Variants in NXNL2 observed in about 807,000 individuals in gnomAD.
NXNL2 encodes the protein nucleoredoxin-like protein 2.
Under a neutral mutation model 11.1 loss-of-function variants are expected in NXNL2, and 7 were observed. The observed-to-expected ratio is 0.63, with a 90% CI of 0.36 to 1.18. NXNL2 has a LOEUF of 1.18. NXNL2 is among the 50% of genes most tolerant of loss of function. The pLI is 0.02. For missense variants in NXNL2, 233 were observed against 217.7 expected (o/e 1.07, Z -0.44); for synonymous variants, 109 against 101.8 (o/e 1.07, Z -0.42).
intron 1 of NXNL2, among the ~76,000 whole-genome samples, chr9:88,580,983 C>T (rs143401872): frequency 2.6e-5 from 4 of 152,292 alleles, no homozygotes; most frequent in Admixed American, 1.3e-4. Context: ...ATAAGAGTGA[C>T]GTGGTATCCT....
chr9:88,542,261 C>CAAAA (rs1829777432), intron 1 of NXNL2, among the ~76,000 whole-genome samples: 3 of 151,288 alleles, frequency 2.0e-5, no homozygotes, highest in Admixed American at 2.0e-4. Flanking sequence ...AAACAAAAAA[C>CAAAA]AAACGAACGA....
chr9:88,545,518 G>A (rs1829834278), downstream of NXNL2, among the ~76,000 whole-genome samples: 1 of 152,096 alleles, frequency 6.6e-6, no homozygotes, highest in Non-Finnish European at 1.5e-5. Flanking sequence ...AAGCCCAGTG[G>A]GTGATACTCA....
At chr9:88,572,704 G>A (rs867310099) in intron 2 of NXNL2, among the ~76,000 whole-genome samples, 89 of 152,244 alleles carry the variant, frequency 5.8e-4, no homozygotes, top group African/African-American at 2.1e-3. Context: ...CTTTAATGAC[G>A]GACACCTTAG....
At chr9:88,574,137 G>C (rs887111329) in intron 2 of NXNL2, among the ~76,000 whole-genome samples, 1 of 152,132 alleles carries the variant, frequency 6.6e-6, no homozygotes, top group Non-Finnish European at 1.5e-5. Flanking sequence ...CAAGAGAACT[G>C]AAAACATATG....
chr9:88,544,631 T>A lies in NXNL2; in HGVS notation c.*84T>A. The A allele has an allele frequency of 2.8e-6, 4 of 1,445,602 alleles. No homozygotes were observed. Among genetic ancestry groups the A allele is most frequent in the Non-Finnish European group, 3.6e-6 (4 of 1,096,816 alleles). 89.5% of individuals were successfully genotyped at this position (1,445,602 alleles called of 1,614,324 possible). ...GCAAAGAGGAGCATGTTGGGTTCCT[T>A]CCTCTGTTGGTGTGATTTCATTGTA... On this transcript the variant is annotated 3_prime_UTR_variant, in exon 2 of 2. Transcript: ENST00000375854.
At chr9:88,558,909 C>T (rs536188273) in intron 1 of NXNL2, among the ~76,000 whole-genome samples, 1 of 152,124 alleles carries the variant, frequency 6.6e-6, no homozygotes, top group South Asian at 2.1e-4. Context: ...GGAGATAGTC[C>T]CCTCTGATCC....
Position 88,535,618 on chromosome 9 carries a change from C to G in NXNL2, c.184C>G (p.Pro62Ala), listed in dbSNP as rs1460765830. 3.1e-6 allele frequency: 5 copies of G among 1,608,630 alleles called. No individual in the cohort carries two copies. Among genetic ancestry groups the G allele is most frequent in the Middle Eastern group, 3.3e-4 (2 of 5,976 alleles). The change falls in exon 1 of 2, where the codon CCC becomes GCC. Residue 62 changes from proline to alanine, a missense_variant. Coordinates refer to ENST00000375854, the MANE Select transcript of NXNL2 (RefSeq NM_001161625.2). ...YTALVAEARR[P>A]APFEVVFVSA... is the part of the protein sequence containing the mutation. The stretch of plus-strand genomic sequence containing the variant: ...GGCGCTGGTGGCCGAGGCGCGGCGG[C>G]CCGCGCCCTTCGAAGTGGTCTTCGT...
intron 1 of NXNL2, among the ~76,000 whole-genome samples, chr9:88,565,469 AT>A (rs1386654396): frequency 6.6e-6 from 1 of 152,180 alleles, no homozygotes; most frequent in Non-Finnish European, 1.5e-5. Context: ...ATCATTTTGC[AT>A]TGCCACCAAC....
intron 1 of NXNL2, among the ~76,000 whole-genome samples, chr9:88,567,018 A>G (rs1460664732): frequency 6.6e-6 from 1 of 150,700 alleles, no homozygotes; most frequent in Non-Finnish European, 1.5e-5. Context: ...CTATCTATCT[A>G]TCATCTAATA....
intron 1 of NXNL2, among the ~76,000 whole-genome samples, chr9:88,552,250 T>C (rs1829941127): frequency 6.6e-6 from 1 of 152,110 alleles, no homozygotes; most frequent in Non-Finnish European, 1.5e-5. Flanking sequence ...TACTCTTTTG[T>C]TTTCCCCATC....
intron 1 of NXNL2, among the ~76,000 whole-genome samples, chr9:88,581,137 T>C (rs1830404516): frequency 6.6e-6 from 1 of 152,176 alleles, no homozygotes; most frequent in African/African-American, 2.4e-5. Flanking sequence ...AATCTGTATC[T>C]CCATACCGGC....
chr9:88,537,528 T>C (rs1178047257), intron 1 of NXNL2, among the ~76,000 whole-genome samples: 1 of 152,232 alleles, frequency 6.6e-6, no homozygotes, highest in African/African-American at 2.4e-5. Context: ...TCCCTACCCC[T>C]TTCCACACTG....
At chr9:88,549,323 G>A (rs1370850464), downstream of NXNL2, among the ~76,000 whole-genome samples, 3 of 152,064 alleles carry the variant, frequency 2.0e-5, no homozygotes, top group East Asian at 1.9e-4. Context: ...GCTGCTCCAC[G>A]GCTCTCTCCT....
intron 1 of NXNL2, among the ~76,000 whole-genome samples, chr9:88,540,879 G>A (rs1003185322): frequency 9.3e-5 from 14 of 150,356 alleles, no homozygotes; most frequent in Non-Finnish European, 1.6e-4. Flanking sequence ...GACCAGGTTG[G>A]CCTCATTTTT....
At chr9:88,578,415 A>G (rs937100685), downstream of NXNL2, among the ~76,000 whole-genome samples, 2 of 152,262 alleles carry the variant, frequency 1.3e-5, no homozygotes, top group African/African-American at 4.8e-5. Context: ...GCAATGCAGA[A>G]AAACAGGTAT....
In NXNL2 at chr9:88,558,279, G is replaced by C. The variant is rs539631243; in HGVS notation, c.303-12808G>C. On this transcript the variant is annotated intron_variant, in intron 1 of 2. Transcript: ENST00000375855. The stretch of plus-strand genomic sequence containing the variant: ...ATAAAGCTTCCATGAAACCCCAAAA[G>C]AGCAGAGTTTGGGGAGTTTCTGGCT... Among the ~76,000 whole-genome samples, 3 of 152,148 alleles carry C rather than the reference G, an allele frequency of 2.0e-5. No individual in the cohort carries two copies. The South Asian group carries it at 6.2e-4, about 32-fold the overall frequency.
intron 1 of NXNL2, among the ~76,000 whole-genome samples, chr9:88,567,030 G>A (rs1830185510): frequency 8.7e-6 from 1 of 114,490 alleles, no homozygotes; most frequent in Non-Finnish European, 1.7e-5. Context: ...CATCTAATAT[G>A]TTTTCTTTCT....
At chr9:88,569,791 T>A (rs1227173040) in intron 1 of NXNL2, among the ~76,000 whole-genome samples, 1 of 152,346 alleles carries the variant, frequency 6.6e-6, no homozygotes, top group South Asian at 2.1e-4. Context: ...CTTGCATTCC[T>A]GTGGGATAAA....
chr9:88,536,822 C>A (rs927200096), intron 1 of NXNL2, among the ~76,000 whole-genome samples: 3 of 152,186 alleles, frequency 2.0e-5, no homozygotes, highest in Admixed American at 2.0e-4. Flanking sequence ...AGGGGGGTAA[C>A]CTGCTTCTGG....
Sources: gnomAD v4.1 joint callset for allele counts (sites outside exome capture counted in the v4.1 genomes callset) on GRCh38, gnomAD v4.1.1 for gene constraint, MANE v1.5 for transcripts, NCBI Gene and HGNC (gene_info 2026-07-23, HGNC 2026-07-21) for gene names.